Variants in GBE1 observed in about 807,000 individuals in gnomAD.
GBE1 encodes 1,4-alpha-glucan branching enzyme 1, also known as 1,4-alpha-glucan-branching enzyme.
A neutral mutation model predicts 88.8 loss-of-function variants in GBE1; 70 were observed. The observed-to-expected ratio is 0.79, with a 90% CI of 0.65 to 0.96. The LOEUF is 0.96. GBE1 is among the 40% of genes least tolerant of loss of function. The pLI, the probability that GBE1 is intolerant of heterozygous loss-of-function variation, is 0.00. For missense variants in GBE1, 872 were observed against 871.0 expected, an observed-to-expected ratio of 1.00 and a Z score of -0.01; for synonymous variants, 284 against 300.1, an observed-to-expected ratio of 0.95 and a Z score of 0.56.
chr3:81,654,213 T>C (rs1418443713), intron 3 of GBE1, among the ~76,000 whole-genome samples: 1 of 152,192 alleles, frequency 6.6e-6, no homozygotes, highest in African/African-American at 2.4e-5. Context: ...TCTAACTGTG[T>C]AAAAGTCAAA....
At chr3:81,614,820 C>T (rs1161883492) in intron 7 of GBE1, among the ~76,000 whole-genome samples, 1 of 152,004 alleles carries the variant, frequency 6.6e-6, no homozygotes, top group African/African-American at 2.4e-5. Context: ...GAGATCATGC[C>T]ATTGCACCCC....
At chr3:81,493,386 T>C (rs941635703) in intron 15 of GBE1, among the ~76,000 whole-genome samples, 3 of 152,158 alleles carry the variant, frequency 2.0e-5, no homozygotes, top group African/African-American at 4.8e-5. Context: ...TTGGATCCTA[T>C]GCAATTGTGA....
At chr3:81,669,515 T>A (rs1705158910) in intron 3 of GBE1, among the ~76,000 whole-genome samples, 4 of 152,110 alleles carry the variant, frequency 2.6e-5, no homozygotes, top group Non-Finnish European at 5.9e-5. Context: ...ATTATTTGAT[T>A]TACTTCTTCA....
chr3:81,558,666 A>G (rs1703380533), intron 12 of GBE1, among the ~76,000 whole-genome samples: 1 of 152,106 alleles, frequency 6.6e-6, no homozygotes, highest in African/African-American at 2.4e-5. Flanking sequence ...ATTTTAGGAA[A>G]CAAAACCATG....
chr3:81,649,513 A>T (rs899566365), intron 4 of GBE1, among the ~76,000 whole-genome samples: 1 of 73,682 alleles, frequency 1.4e-5, no homozygotes, highest in Non-Finnish European at 3.1e-5. Flanking sequence ...ATTGTAGTTT[A>T]AAAAAAAAAC....
At chr3:81,493,899 C>T (rs1702469517) in intron 15 of GBE1, among the ~76,000 whole-genome samples, 1 of 151,632 alleles carries the variant, frequency 6.6e-6, no homozygotes, top group South Asian at 2.1e-4. Context: ...GCAATATATT[C>T]CCATTGTGGC....
At chr3:81,652,620 T>C (rs914459167) in intron 3 of GBE1, among the ~76,000 whole-genome samples, 2 of 152,162 alleles carry the variant, frequency 1.3e-5, no homozygotes, top group African/African-American at 2.4e-5. Flanking sequence ...ATAATAAATA[T>C]CTCTACTCTT....
chr3:81,700,140 A>G (rs1477433127), intron 2 of GBE1, among the ~76,000 whole-genome samples: 1 of 152,194 alleles, frequency 6.6e-6, no homozygotes, highest in Non-Finnish European at 1.5e-5. Context: ...TGAACAAGAA[A>G]GAGGCCTTTG....
intron 9 of GBE1, among the ~76,000 whole-genome samples, chr3:81,590,692 T>A (rs928194139): frequency 2.0e-5 from 3 of 151,920 alleles, no homozygotes; most frequent in African/African-American, 7.3e-5. Context: ...AAGAAAAAAA[T>A]AATAATAAAT....
intron 15 of GBE1, among the ~76,000 whole-genome samples, chr3:81,491,665 T>G (rs1398786617): frequency 1.3e-5 from 2 of 152,164 alleles, no homozygotes; most frequent in African/African-American, 4.8e-5. Context: ...CTTCTGACTT[T>G]GCTGATATTT....
At chr3:81,658,806 G>A (rs1263911795) in intron 3 of GBE1, among the ~76,000 whole-genome samples, 1 of 152,044 alleles carries the variant, frequency 6.6e-6, no homozygotes, top group Non-Finnish European at 1.5e-5. Context: ...AAGTCCAAAG[G>A]GATTATTTGA....
At chr3:81,533,676 C>G (rs934872751) in intron 14 of GBE1, among the ~76,000 whole-genome samples, 6 of 152,092 alleles carry the variant, frequency 3.9e-5, no homozygotes, top group Non-Finnish European at 5.9e-5. Flanking sequence ...GATTAAGCCA[C>G]TCATGTTAAT....
intron 5 of GBE1, among the ~76,000 whole-genome samples, chr3:81,648,636 A>C (rs1704801913): frequency 6.6e-6 from 1 of 152,036 alleles, no homozygotes; most frequent in Non-Finnish European, 1.5e-5. Context: ...TTAAAATTTA[A>C]ATTGGAATAA....
intron 12 of GBE1, among the ~76,000 whole-genome samples, chr3:81,572,610 A>G (rs1052387221): frequency 6.6e-6 from 1 of 152,190 alleles, no homozygotes; most frequent in Non-Finnish European, 1.5e-5. Context: ...AATCAGAAAG[A>G]TATGTTCTTA....
Position 81,657,429 on chromosome 3 carries a change from T to C in GBE1, c.430-7508A>G, listed in dbSNP as rs957613787. On this transcript the variant is annotated intron_variant, in intron 3 of 15. Transcript: ENST00000429644. ...AAAATTGCATTCTGAATTTCCTAAC[T>C]AGGAAGATGAAAATCAGAAACACTC... Among the ~76,000 whole-genome samples, 9 of 152,096 alleles carry C rather than the reference T, an allele frequency of 5.9e-5. No homozygotes were observed. In the Middle Eastern group the frequency reaches 0.014, roughly 230 times the overall value.
In GBE1 at chr3:81,648,971, C is replaced by T. The variant is rs762329960; in HGVS notation, c.576G>A (p.Lys192=). Residue 192 remains lysine, a synonymous_variant, in exon 5 of 16, where the codon AAG becomes AAA. Transcript: ENST00000429644. ...CATAAATTCTTAGACTCCGTGGCTT[C>T]TTTGGTCTGGAATGCTTAAACTACA... is the stretch of plus-strand genomic sequence containing the variant. ...HSYEFKHSRP[K]KPRSLRIYES... 2.5e-6 allele frequency: 4 copies of T among 1,585,638 alleles called. No individual in the cohort carries two copies. The highest frequency in any genetic ancestry group is 3.4e-6 in the Non-Finnish European group (4 of 1,164,532).
intron 3 of GBE1, among the ~76,000 whole-genome samples, chr3:81,655,670 C>A (rs1704925419): frequency 6.6e-6 from 1 of 152,058 alleles, no homozygotes; most frequent in Non-Finnish European, 1.5e-5. Context: ...GCACCTGCCA[C>A]CACGCCCAGA....
intron 14 of GBE1, among the ~76,000 whole-genome samples, chr3:81,528,321 C>T (rs1010302969): frequency 2.0e-4 from 31 of 151,816 alleles, no homozygotes; most frequent in Admixed American, 2.0e-3. Context: ...CACATGTATA[C>T]ATATGTAACA....
At chr3:81,520,416 A>G (rs560445112) in intron 14 of GBE1, among the ~76,000 whole-genome samples, 2 of 151,558 alleles carry the variant, frequency 1.3e-5, no homozygotes, top group Non-Finnish European at 3.0e-5. Flanking sequence ...GAGGGGCCCT[A>G]ATACTCACAT....
Sources: allele counts gnomAD v4.1 joint callset (sites outside exome capture counted in the v4.1 genomes callset), GRCh38; gene constraint gnomAD v4.1.1; transcripts MANE v1.5; gene names NCBI Gene and HGNC (gene_info 2026-07-23, HGNC 2026-07-21).